PIBF1: variants seen among roughly 807,000 people sequenced by gnomAD.
PIBF1 encodes the protein progesterone-induced-blocking factor 1.
Under a neutral mutation model 112.5 loss-of-function variants are expected in PIBF1, and 90 were observed. The observed-to-expected ratio is 0.80, with a 90% CI of 0.67 to 0.95. PIBF1 has a LOEUF of 0.95. PIBF1 is among the 40% of genes least tolerant of loss of function. The pLI is 0.00. For missense variants in PIBF1, 915 were observed against 852.3 expected (o/e 1.07, Z -0.92); for synonymous variants, 301 against 288.6 (o/e 1.04, Z -0.44).
intron 13 of PIBF1, among the ~76,000 whole-genome samples, chr13:72,927,998 T>TATATATATAA (rs2041566458): frequency 1.9e-5 from 1 of 53,042 alleles, no homozygotes; most frequent in Non-Finnish European, 3.5e-5. Context: ...TACACACACA[T>TATATATATAA]ATATATACAT....
chr13:72,869,208 A>G (rs2039052177), intron 10 of PIBF1, among the ~76,000 whole-genome samples: 1 of 152,194 alleles, frequency 6.6e-6, no homozygotes, highest in African/African-American at 2.4e-5. Context: ...AAAGACTTGG[A>G]ACCAACCCAA....
chr13:72,828,480 C>T (rs1469559619), intron 8 of PIBF1, among the ~76,000 whole-genome samples: 2 of 151,936 alleles, frequency 1.3e-5, no homozygotes, highest in South Asian at 2.1e-4. Flanking sequence ...CCTGTGTCCA[C>T]GTGTTCTCAT....
intron 8 of PIBF1, 48 bp from the exon 9 acceptor site, chr13:72,835,195 A>G (rs773049747): frequency 1.9e-5 from 28 of 1,446,048 alleles, no homozygotes; most frequent in South Asian, 3.0e-5. Context: ...GCAAAAGCCT[A>G]TTTGTTTCAA....
At chr13:72,979,261 A>T (rs2043096531) in intron 16 of PIBF1, among the ~76,000 whole-genome samples, 1 of 152,200 alleles carries the variant, frequency 6.6e-6, no homozygotes, top group South Asian at 2.1e-4. Flanking sequence ...ATCGTCATTA[A>T]TTGCATTTAG....
At chr13:72,850,536 A>G (rs1014892144) in intron 9 of PIBF1, among the ~76,000 whole-genome samples, 2 of 152,150 alleles carry the variant, frequency 1.3e-5, no homozygotes, top group Non-Finnish European at 2.9e-5. Flanking sequence ...TTGTTGCAAG[A>G]AAGGAAATGT....
Position 72,926,958 on chromosome 13 carries a change from A to G in PIBF1, c.1731-4207A>G, listed in dbSNP as rs77864957. Among the ~76,000 whole-genome samples, 1,220 of 152,316 alleles carry G rather than the reference A, an allele frequency of 8.0e-3. 14 individuals are homozygous for G. Among genetic ancestry groups the G allele is most frequent in the African/African-American group, 0.028 (1,149 of 41,566 alleles). On this transcript the variant is annotated intron_variant, in intron 13 of 17. Coordinates refer to ENST00000326291, the MANE Select transcript of PIBF1 (RefSeq NM_006346.4). Reference sequence around the variant, plus strand: ...TTTTAATACATGTTTCTTCAAAGGAAGTGTTCATGAATATTTTTCGAATGA... The same window carrying G: ...TTTTAATACATGTTTCTTCAAAGGAGGTGTTCATGAATATTTTTCGAATGA...
At chr13:72,798,142 G>A (rs1422127685) in intron 5 of PIBF1, 116 bp downstream of exon 5, 1 of 1,036,354 alleles carries the variant, frequency 9.6e-7, no homozygotes, top group African/African-American at 1.6e-5. Flanking sequence ...CTATGGGATG[G>A]TGACTGCTAC....
chr13:72,877,481 G>A (rs1390889209), intron 10 of PIBF1, among the ~76,000 whole-genome samples: 1 of 152,114 alleles, frequency 6.6e-6, no homozygotes, highest in African/African-American at 2.4e-5. Flanking sequence ...TAAGTAATTG[G>A]TAGAATTTAC....
chr13:72,790,392 A>G (rs1405117947), intron 2 of PIBF1, among the ~76,000 whole-genome samples: 2 of 146,894 alleles, frequency 1.4e-5, no homozygotes, highest in Non-Finnish European at 3.0e-5. Flanking sequence ...CCTAAATGTA[A>G]TTGTCAGTTA....
At chr13:72,866,092 G>A (rs2076586812) in intron 10 of PIBF1, among the ~76,000 whole-genome samples, 2 of 152,074 alleles carry the variant, frequency 1.3e-5, no homozygotes, top group Admixed American at 1.3e-4. Flanking sequence ...TCCTTGGCTT[G>A]TAACCGTATC....
chr13:72,927,974 TATAC>T (rs1487779520), intron 13 of PIBF1, among the ~76,000 whole-genome samples: 3 of 93,530 alleles, frequency 3.2e-5, no homozygotes, highest in Admixed American at 2.3e-4. Flanking sequence ...TATATATATA[TATAC>T]ATATATATAT....
chr13:72,807,297 G>T (rs1294616006), intron 5 of PIBF1, among the ~76,000 whole-genome samples: 1 of 152,072 alleles, frequency 6.6e-6, no homozygotes, highest in Non-Finnish European at 1.5e-5. Context: ...TTATTGGGCT[G>T]GGCACAGTGG....
intron 8 of PIBF1, among the ~76,000 whole-genome samples, chr13:72,833,029 T>G (rs186714334): frequency 6.6e-6 from 1 of 152,312 alleles, no homozygotes; most frequent in Admixed American, 6.5e-5. Flanking sequence ...TCTTCAGTCA[T>G]TGTTATCTTT....
intron 14 of PIBF1, among the ~76,000 whole-genome samples, chr13:72,946,754 C>T (rs1004883160): frequency 1.7e-4 from 26 of 152,184 alleles, no homozygotes; most frequent in African/African-American, 5.6e-4. Context: ...CTTAAAGCTC[C>T]GAAATGACCT....
At chr13:72,928,423 T>C (rs2041601051) in intron 13 of PIBF1, among the ~76,000 whole-genome samples, 1 of 152,044 alleles carries the variant, frequency 6.6e-6, no homozygotes, top group African/African-American at 2.4e-5. Flanking sequence ...GTGTTAAGGC[T>C]TAAGCACTAG....
chr13:72,790,485 C>CA (rs1213768201), intron 2 of PIBF1, among the ~76,000 whole-genome samples: 1 of 147,744 alleles, frequency 6.8e-6, no homozygotes, highest in Non-Finnish European at 1.5e-5. Flanking sequence ...ATCACACACA[C>CA]CCTTATAGAT....
chr13:72,909,921 T>G (rs2040840037), intron 12 of PIBF1, among the ~76,000 whole-genome samples: 2 of 152,184 alleles, frequency 1.3e-5, no homozygotes, highest in Admixed American at 1.3e-4. Context: ...ATCCCTAACG[T>G]TAATAAATAT....
intron 14 of PIBF1, among the ~76,000 whole-genome samples, chr13:72,940,854 C>G (rs963452622): frequency 6.6e-5 from 10 of 152,178 alleles, no homozygotes; most frequent in African/African-American, 2.4e-4. Context: ...AGAGATTGCT[C>G]CTACCAATCT....
intron 14 of PIBF1, among the ~76,000 whole-genome samples, chr13:72,947,817 C>T (rs2042190025): frequency 6.6e-6 from 1 of 152,114 alleles, no homozygotes; most frequent in Non-Finnish European, 1.5e-5. Context: ...TTCACAATAG[C>T]AAAGACTTGG....
Sources: allele counts gnomAD v4.1 joint callset (sites outside exome capture counted in the v4.1 genomes callset), GRCh38; gene constraint gnomAD v4.1.1; transcripts MANE v1.5; gene names NCBI Gene and HGNC (gene_info 2026-07-23, HGNC 2026-07-21).